Variants in STX17 observed in about 807,000 individuals in gnomAD.
The protein encoded by STX17 is syntaxin 17.
A neutral mutation model predicts 35.9 loss-of-function variants in STX17; 29 were observed. That is an observed-to-expected ratio of 0.81 (90% CI 0.60 to 1.10). STX17 has a LOEUF of 1.10. Among genes scored for constraint, STX17 ranks in the 50% least tolerant of loss-of-function variants. STX17 has a pLI of 0.00. For missense variants in STX17, 312 were observed against 352.3 expected (o/e 0.89, Z 0.92); for synonymous variants, 92 against 118.3 (o/e 0.78, Z 1.44).
chr9:99,911,974 C>G (rs559129545), intron 1 of STX17, among the ~76,000 whole-genome samples: 3 of 152,214 alleles, frequency 2.0e-5, no homozygotes, highest in Non-Finnish European at 4.4e-5. Flanking sequence ...CGCCTGTAAT[C>G]CCGGCACTTT....
intron 4 of STX17, among the ~76,000 whole-genome samples, chr9:99,958,864 G>T (rs1014207661): frequency 6.6e-6 from 1 of 152,134 alleles, no homozygotes; most frequent in Non-Finnish European, 1.5e-5. Context: ...AGTCCTACTG[G>T]GTTGACAACT....
chr9:99,921,275 C>G (rs1828880198), intron 2 of STX17, among the ~76,000 whole-genome samples: 1 of 152,150 alleles, frequency 6.6e-6, no homozygotes, highest in Non-Finnish European at 1.5e-5. Flanking sequence ...TCTATACTGA[C>G]AGCTTTTTAA....
chr9:99,929,017 T>A (rs1829051974), intron 3 of STX17, 174 bp downstream of exon 3: 1 of 532,864 alleles, frequency 1.9e-6, no homozygotes, highest in Non-Finnish European at 3.3e-6. Context: ...ATTTTCAAAG[T>A]TTTGTTTTGT....
chr9:99,943,754 G>A (rs1034000208), intron 3 of STX17, among the ~76,000 whole-genome samples: 5 of 152,136 alleles, frequency 3.3e-5, no homozygotes, highest in Admixed American at 2.6e-4. Context: ...TTTATAGTGC[G>A]TGAGACTAGT....
chr9:99,929,707 T>C (rs1319373684), intron 3 of STX17: 2 of 151,592 alleles, frequency 1.3e-5, no homozygotes, highest in Non-Finnish European at 2.9e-5. Flanking sequence ...TAAATTAATA[T>C]AATATAAACT....
intron 1 of STX17, among the ~76,000 whole-genome samples, chr9:99,913,578 A>C (rs1397735457): frequency 3.3e-5 from 5 of 152,102 alleles, no homozygotes; most frequent in Admixed American, 2.0e-4. Flanking sequence ...GGATATTTAA[A>C]AATATACTTA....
intron 6 of STX17, among the ~76,000 whole-genome samples, chr9:99,963,365 T>A (rs752817736): frequency 6.6e-6 from 1 of 152,216 alleles, no homozygotes; most frequent in Non-Finnish European, 1.5e-5. Context: ...AACTCACCCT[T>A]GCTGCTAGTC....
intron 2 of STX17, among the ~76,000 whole-genome samples, chr9:99,924,166 A>G (rs1828942903): frequency 6.6e-6 from 1 of 152,196 alleles, no homozygotes; most frequent in East Asian, 1.9e-4. Context: ...CCTCCAGGGT[A>G]TGGGGCAGGA....
chr9:99,959,872 A>G, intron 4 of STX17, 45 bp from the exon 5 acceptor site: 1 of 1,417,294 alleles, frequency 7.1e-7, no homozygotes, highest in Admixed American at 2.0e-5. Context: ...CTCTTTTCTA[A>G]CAAAGCAAAT....
intron 3 of STX17, among the ~76,000 whole-genome samples, chr9:99,938,911 C>T (rs917282148): frequency 3.3e-5 from 5 of 152,032 alleles, no homozygotes; most frequent in African/African-American, 1.2e-4. Flanking sequence ...TTGTTGAGGT[C>T]ACAGATTTCT....
At chr9:99,927,827 A>G (rs1829021075) in intron 2 of STX17, among the ~76,000 whole-genome samples, 1 of 152,212 alleles carries the variant, frequency 6.6e-6, no homozygotes, top group African/African-American at 2.4e-5. Flanking sequence ...TAGATTATGT[A>G]AAAATTTTAG....
intron 3 of STX17, among the ~76,000 whole-genome samples, chr9:99,937,269 AG>A (rs1169622702): frequency 6.6e-6 from 1 of 151,872 alleles, no homozygotes; most frequent in Non-Finnish European, 1.5e-5. Flanking sequence ...GAATTTATTG[AG>A]CTTCTTGGAC....
At chr9:99,951,376 T>C in intron 4 of STX17, 91 bp downstream of exon 4, 1 of 1,156,520 alleles carries the variant, frequency 8.6e-7, no homozygotes, top group Middle Eastern at 2.0e-4. Context: ...TATCTATAGG[T>C]CTTCAGAGAC....
intron 3 of STX17, among the ~76,000 whole-genome samples, chr9:99,936,384 A>G (rs1473846362): frequency 6.6e-6 from 1 of 152,168 alleles, no homozygotes; most frequent in African/African-American, 2.4e-5. Context: ...TCACCCTTCT[A>G]ATTAAGTCTG....
chr9:99,924,225 G>T (rs577195810), intron 2 of STX17, among the ~76,000 whole-genome samples: 1 of 152,062 alleles, frequency 6.6e-6, no homozygotes, highest in Non-Finnish European at 1.5e-5. Flanking sequence ...TTAGAGTCCC[G>T]CCATTGGCAG....
chr9:99,950,981 A>G, intron 3 of STX17, 79 bp from the exon 4 acceptor site: 1 of 1,235,012 alleles, frequency 8.1e-7, no homozygotes, highest in Non-Finnish European at 1.1e-6. Flanking sequence ...TCCATCCACA[A>G]CTATTATAAC....
At chr9:99,963,023 G>GA (rs908456429) in intron 6 of STX17, among the ~76,000 whole-genome samples, 7 of 152,086 alleles carry the variant, frequency 4.6e-5, no homozygotes, top group Non-Finnish European at 1.0e-4. Flanking sequence ...ATGAGGAATA[G>GA]AAAAAAGCAT....
rs542891686 is a variant in STX17 at position 99,974,355 on chromosome 9, A to G, written c.*5682A>G. Among the ~76,000 whole-genome samples the G allele has an allele frequency of 2.0e-5, 3 of 152,352 alleles. No homozygotes were observed. The highest frequency in any genetic ancestry group is 4.1e-4 in the South Asian group (2 of 4,830). On this transcript the variant is annotated 3_prime_UTR_variant, in exon 8 of 8. Transcript: ENST00000259400. ...TTGGGTTTCGTTAACTAAACCCCCTAAAGATGTTTTCCATTTTATTGTTAA... is the reference window on the plus strand; with the variant it reads ...TTGGGTTTCGTTAACTAAACCCCCTGAAGATGTTTTCCATTTTATTGTTAA...
intron 2 of STX17, among the ~76,000 whole-genome samples, chr9:99,918,503 G>GTTT (rs200813396): frequency 7.1e-6 from 1 of 141,216 alleles, no homozygotes; most frequent in Non-Finnish European, 1.6e-5. Context: ...TCTTTCTATA[G>GTTT]TTTTTTTTTT....
Sources: gnomAD v4.1 joint callset for allele counts (sites outside exome capture counted in the v4.1 genomes callset) on GRCh38, gnomAD v4.1.1 for gene constraint, MANE v1.5 for transcripts, NCBI Gene and HGNC (gene_info 2026-07-23, HGNC 2026-07-21) for gene names.